Variants in IFNLR1 observed in about 807,000 individuals in gnomAD.
IFNLR1 encodes interferon lambda receptor 1, also known as CRF2-12.
IFNLR1 carries 28 observed loss-of-function variants against 52.5 expected under a neutral mutation model. The observed-to-expected ratio is 0.53, with a 90% CI of 0.40 to 0.73. The LOEUF (loss-of-function observed/expected upper bound fraction) is 0.73, where lower values mean the gene tolerates loss of function less well. Among genes scored for constraint, IFNLR1 ranks in the 30% least tolerant of loss-of-function variants. The pLI is 0.00. For synonymous variants in IFNLR1, 276 were observed against 274.9 expected (o/e 1.00, Z -0.04); for missense variants, 623 against 659.1 (o/e 0.95, Z 0.60).
intron 2 of IFNLR1, among the ~76,000 whole-genome samples, chr1:24,178,233 C>T (rs1644655035): frequency 1.3e-5 from 2 of 151,496 alleles, no homozygotes; most frequent in South Asian, 2.1e-4. Flanking sequence ...TGCAGTGAGC[C>T]GAGATCATGC....
At chr1:24,165,680 A>C (rs887066103) in intron 3 of IFNLR1, among the ~76,000 whole-genome samples, 1 of 152,182 alleles carries the variant, frequency 6.6e-6, no homozygotes, top group Non-Finnish European at 1.5e-5. Context: ...GCCAGCAGGG[A>C]TCTCTGACCA....
chr1:24,167,255 C>A (rs1644529703), intron 3 of IFNLR1, among the ~76,000 whole-genome samples: 1 of 152,228 alleles, frequency 6.6e-6, no homozygotes. Flanking sequence ...CTCCCCTGGC[C>A]TTGGGCCTTC....
intron 3 of IFNLR1, among the ~76,000 whole-genome samples, chr1:24,166,899 C>T (rs531742306): frequency 5.3e-5 from 8 of 152,126 alleles, no homozygotes; most frequent in African/African-American, 1.9e-4. Flanking sequence ...GTTTATGTGT[C>T]AATTTAGCTG....
Position 24,187,279 on chromosome 1 carries a change from C to A in IFNLR1, c.-31G>T. On this transcript the variant is annotated 5_prime_UTR_variant, in exon 1 of 7. Coordinates refer to ENST00000327535, the MANE Select transcript of IFNLR1 (RefSeq NM_170743.4). ...TCCTGCCGCGGCGTCCCCGCCCGGG[C>A]CCAGGTCCCCGCCTCCCGCCTCCCG... 1 of 1,248,720 alleles carries A rather than the reference C, an allele frequency of 8.0e-7. No individual in the cohort carries two copies. Among genetic ancestry groups the A allele is most frequent in the South Asian group, 2.9e-5 (1 of 34,376 alleles). The allele number at this position is 1,248,720 out of a possible 1,614,324, so 77.4% of individuals were successfully genotyped here.
chr1:24,164,560 C>T (rs1644498535), intron 3 of IFNLR1, among the ~76,000 whole-genome samples: 1 of 152,132 alleles, frequency 6.6e-6, no homozygotes, highest in Non-Finnish European at 1.5e-5. Context: ...ACTTTTGGCT[C>T]CAGCTGAGAT....
chr1:24,163,724 C>G (rs1011628333), intron 3 of IFNLR1, among the ~76,000 whole-genome samples: 3 of 152,080 alleles, frequency 2.0e-5, no homozygotes, highest in Non-Finnish European at 4.4e-5. Context: ...GGATTATAGG[C>G]ATGTGCTACC....
chr1:24,157,601 C>T lies in IFNLR1; in HGVS notation c.1092G>A (p.Gly364=). 1.7e-5 allele frequency: 27 copies of T among 1,610,170 alleles called. No homozygotes were observed. Among genetic ancestry groups the T allele is most frequent in the Non-Finnish European group, 2.2e-5 (26 of 1,178,326 alleles). Residue 364 remains glycine, a synonymous_variant, in exon 7 of 7, where the codon GGG becomes GGA. Coordinates refer to ENST00000327535, the MANE Select transcript of IFNLR1 (RefSeq NM_170743.4). The surrounding 1 kb of genome is among the most constrained non-coding windows in gnomAD (Gnocchi z 5.1). The part of the protein sequence containing the change: ...HQAPGHSEAG[G]VDSGRPRAPL... ...GAGCCCTGGGCCTCCCTGAGTCCACCCCACCAGCCTCCGAGTGCCCTGGAG... is the reference window on the plus strand; with the variant it reads ...GAGCCCTGGGCCTCCCTGAGTCCACTCCACCAGCCTCCGAGTGCCCTGGAG...
At chr1:24,173,595 T>C (rs1169043084) in intron 2 of IFNLR1, among the ~76,000 whole-genome samples, 2 of 147,612 alleles carry the variant, frequency 1.4e-5, no homozygotes, top group Non-Finnish European at 3.0e-5. Flanking sequence ...CCATTTTTCT[T>C]CTCCCTCCCT....
At chr1:24,184,360 T>C (rs1205390115) in intron 1 of IFNLR1, among the ~76,000 whole-genome samples, 1 of 152,196 alleles carries the variant, frequency 6.6e-6, no homozygotes, top group Non-Finnish European at 1.5e-5. Context: ...TTAATCTTCA[T>C]CTTCTGAAAT....
Position 24,187,209 on chromosome 1 carries a change from G to C in IFNLR1, c.40C>G (p.Leu14Val). Residue 14 changes from leucine to valine, a missense_variant, in exon 1 of 7, where the codon CTG becomes GTG. Coordinates refer to ENST00000327535, the MANE Select transcript of IFNLR1 (RefSeq NM_170743.4). ...PERWGPLLLCLLQAAPGRPRL... is the reference protein window; with the variant it reads ...PERWGPLLLCVLQAAPGRPRL... ...CCCTTACCTGGAGCGGCCTGCAGCA[G>C]GCACAGGAGCAGGGGGCCCCAGCGC... 7.5e-7 allele frequency: 1 copy of C among 1,327,710 alleles called. No homozygotes were observed. The highest frequency in any genetic ancestry group is 1.5e-5 in the African/African-American group (1 of 65,400). The allele number at this position is 1,327,710 out of a possible 1,614,324, so 82.2% of individuals were successfully genotyped here.
chr1:24,180,962 T>G, intron 1 of IFNLR1, 108 bp from the exon 2 acceptor site: 2 of 1,197,422 alleles, frequency 1.7e-6, no homozygotes, highest in Non-Finnish European at 2.3e-6. Context: ...TCACTGAGTT[T>G]GAGGAACCAG....
At chr1:24,159,319 G>T in intron 5 of IFNLR1, 137 bp from the exon 6 acceptor site, 1 of 1,314,818 alleles carries the variant, frequency 7.6e-7, no homozygotes, top group Non-Finnish European at 1.1e-6. Context: ...TGCAAACCAA[G>T]GTTTGGGGCA....
chr1:24,180,691 C>T (rs1644680755), intron 2 of IFNLR1, 40 bp downstream of exon 2: 2 of 1,437,804 alleles, frequency 1.4e-6, no homozygotes, highest in African/African-American at 1.4e-5. Flanking sequence ...CACCCACCCC[C>T]TCAGTCTTCC....
intron 2 of IFNLR1, among the ~76,000 whole-genome samples, chr1:24,178,271 T>A (rs1215717653): frequency 1.3e-5 from 2 of 150,540 alleles, no homozygotes; most frequent in Non-Finnish European, 3.0e-5. Context: ...GGTGACAGAG[T>A]GAAGCTCTGT....
intron 1 of IFNLR1, among the ~76,000 whole-genome samples, chr1:24,182,199 CAAAA>C (rs60217046): frequency 1.7e-4 from 23 of 132,918 alleles, no homozygotes; most frequent in African/African-American, 2.2e-4. Flanking sequence ...GACTCCATTC[CAAAA>C]AAAAAAAAAA....
intron 2 of IFNLR1, among the ~76,000 whole-genome samples, chr1:24,176,132 C>A (rs1323532743): frequency 6.6e-6 from 1 of 152,072 alleles, no homozygotes; most frequent in Non-Finnish European, 1.5e-5. Flanking sequence ...CATAGTCATA[C>A]AATGGCATTA....
intron 2 of IFNLR1, 44 bp downstream of exon 2, chr1:24,180,687 C>T (rs1327502655): frequency 6.9e-6 from 9 of 1,305,828 alleles, no homozygotes; most frequent in Non-Finnish European, 8.5e-6. Context: ...CCCCCACCCA[C>T]CCCCTCAGTC....
chr1:24,158,244 A>T (rs1456780990), intron 6 of IFNLR1, among the ~76,000 whole-genome samples: 1 of 152,226 alleles, frequency 6.6e-6, no homozygotes, highest in Non-Finnish European at 1.5e-5. Flanking sequence ...GCAGCCTGCC[A>T]CATGCAGGGG....
intron 2 of IFNLR1, among the ~76,000 whole-genome samples, chr1:24,178,081 T>A (rs1185622992): frequency 1.3e-5 from 2 of 152,066 alleles, no homozygotes; most frequent in African/African-American, 4.8e-5. Context: ...GGTCAGGAGT[T>A]CGACACCAGC....
Sources: allele counts gnomAD v4.1 joint callset (sites outside exome capture counted in the v4.1 genomes callset), GRCh38; gene constraint gnomAD v4.1.1; non-coding constraint Gnocchi (gnomAD v3.1); transcripts MANE v1.5; gene names NCBI Gene and HGNC (gene_info 2026-07-23, HGNC 2026-07-21).